The following CNIH3 variants were observed in gnomAD, a reference collection of about 807,000 sequenced individuals.
CNIH3 encodes cornichon family AMPA receptor auxiliary protein 3.
A neutral mutation model predicts 24.1 loss-of-function variants in CNIH3; 14 were observed. The observed-to-expected ratio is 0.58, with a 90% CI of 0.38 to 0.91. The LOEUF is 0.91. Ranked by LOEUF, CNIH3 falls within the 40% of genes least tolerant of loss-of-function variation. The pLI, the probability that CNIH3 is intolerant of heterozygous loss-of-function variation, is 0.00. For missense variants in CNIH3, 178 were observed against 196.8 expected, an observed-to-expected ratio of 0.90 and a Z score of 0.57; for synonymous variants, 68 against 73.8, an observed-to-expected ratio of 0.92 and a Z score of 0.40.
intron 2 of CNIH3, among the ~76,000 whole-genome samples, chr1:224,532,011 G>A (rs1187731080): frequency 6.6e-6 from 1 of 152,170 alleles, no homozygotes; most frequent in African/African-American, 2.4e-5. Context: ...TTCTAGTAAG[G>A]AAAGGTAGAC....
chr1:224,584,529 C>T lies in CNIH3; in HGVS notation n.620+1262C>T, dbSNP rs115571424. On this transcript the variant is annotated intron_variant and non_coding_transcript_variant, in intron 5 of 5. Transcript: ENST00000471578. ...CAGAGAAAAAGTGCTGATGTAAATC[C>T]TTCCTTTTTGGGAAGCTGATTCTTT... Among the ~76,000 whole-genome samples, 215 of 152,288 alleles carry T rather than the reference C, an allele frequency of 1.4e-3. 1 individual carries two copies. Among genetic ancestry groups the T allele is most frequent in the African/African-American group, 5.0e-3 (206 of 41,556 alleles).
At chr1:224,674,165 A>G (rs1686010494) in intron 1 of CNIH3, among the ~76,000 whole-genome samples, 1 of 151,818 alleles carries the variant, frequency 6.6e-6, no homozygotes, top group South Asian at 2.1e-4. Flanking sequence ...AGAAAGTCCC[A>G]GAGAAAACCA....
intron 1 of CNIH3, among the ~76,000 whole-genome samples, chr1:224,670,847 A>G (rs1004171388): frequency 7.9e-5 from 12 of 152,238 alleles, no homozygotes; most frequent in African/African-American, 2.2e-4. Flanking sequence ...TTGCATGTCA[A>G]TGTGACTTGG....
chr1:224,521,564 T>C (rs954774299), intron 2 of CNIH3: 9 of 152,220 alleles, frequency 5.9e-5, no homozygotes, highest in African/African-American at 2.2e-4. Context: ...TTCAGGACTT[T>C]GGTTGGAACT....
In CNIH3 at chr1:224,646,651, C is replaced by A. The variant is rs76853656; in HGVS notation, c.81+29396C>A. On this transcript the variant is annotated intron_variant, in intron 1 of 5. Coordinates refer to ENST00000272133, the MANE Select transcript of CNIH3 (RefSeq NM_152495.2). ...CAATTCCTGGACTCAAGCAACCCTC[C>A]TGCTTCGGCATCCTAAATTACTGGG... Among the ~76,000 whole-genome samples the A allele has an allele frequency of 2.2e-3, 340 of 152,262 alleles. 5 individuals are homozygous for A. In the East Asian group the frequency reaches 0.029, roughly 13 times the overall value.
chr1:224,460,194 T>C (rs1214087082), intron 1 of CNIH3, among the ~76,000 whole-genome samples: 4 of 152,172 alleles, frequency 2.6e-5, no homozygotes, highest in Non-Finnish European at 5.9e-5. Flanking sequence ...TCCTGGTTTA[T>C]CTTTCTTAAG....
At chr1:224,441,053 T>A (rs1019651490) in intron 1 of CNIH3, among the ~76,000 whole-genome samples, 11 of 152,130 alleles carry the variant, frequency 7.2e-5, no homozygotes, top group Non-Finnish European at 2.9e-5. Context: ...CCTGACCTCA[T>A]GATCCGCCCC....
chr1:224,508,198 A>C (rs6683232), intron 1 of CNIH3, among the ~76,000 whole-genome samples: 13,923 of 152,234 alleles, frequency 0.091, 1,935 homozygotes, highest in African/African-American at 0.3. Context: ...TCTTTTCCCC[A>C]CAAAGTTTTC....
At chr1:224,509,339 AAAG>A (rs1262205142) in intron 1 of CNIH3, among the ~76,000 whole-genome samples, 3 of 152,218 alleles carry the variant, frequency 2.0e-5, no homozygotes, top group Admixed American at 6.5e-5. Flanking sequence ...AGACGAAAGG[AAAG>A]AAGAAGGGAA....
intron 1 of CNIH3, among the ~76,000 whole-genome samples, chr1:224,637,238 C>T (rs1205567146): frequency 6.6e-6 from 1 of 152,156 alleles, no homozygotes; most frequent in Non-Finnish European, 1.5e-5. Context: ...CAGGCGTGAA[C>T]CACCACGCCC....
At chr1:224,498,978 A>G (rs527706697) in intron 1 of CNIH3, among the ~76,000 whole-genome samples, 41 of 152,290 alleles carry the variant, frequency 2.7e-4, no homozygotes, top group Non-Finnish European at 5.0e-4. Flanking sequence ...GCTTTAGCAC[A>G]CCAGTAGCTC....
intron 3 of CNIH3, among the ~76,000 whole-genome samples, chr1:224,552,321 C>T (rs1213641275): frequency 6.6e-6 from 1 of 151,324 alleles, no homozygotes; most frequent in East Asian, 1.9e-4. Context: ...AGAAATATAT[C>T]CTCTCCCTTA....
chr1:224,523,134 G>A (rs1678707196), intron 2 of CNIH3, among the ~76,000 whole-genome samples: 1 of 152,058 alleles, frequency 6.6e-6, no homozygotes, highest in African/African-American at 2.4e-5. Flanking sequence ...AGCTACTTGG[G>A]AGGCTGAGGC....
chr1:224,581,130 G>T (rs6659753), intron 4 of CNIH3, among the ~76,000 whole-genome samples: 59,810 of 151,888 alleles, frequency 0.39, 12,256 homozygotes, highest in East Asian at 0.59. Flanking sequence ...ATTTTTCCCT[G>T]TTGGCATAGT....
At chr1:224,568,287 TCAAACAAACAAG>T (rs147537721) in intron 4 of CNIH3, among the ~76,000 whole-genome samples, 34,314 of 151,734 alleles carry the variant, frequency 0.23, 4,134 homozygotes, top group East Asian at 0.31. Context: ...AGACTCTGTC[TCAAACAAACAAG>T]CAAACAAACA....
intron 1 of CNIH3, among the ~76,000 whole-genome samples, chr1:224,437,706 G>A (rs888448052): frequency 1.3e-5 from 2 of 152,186 alleles, no homozygotes; most frequent in African/African-American, 4.8e-5. Context: ...TCACTCAAAA[G>A]AGGGGTGATT....
At chr1:224,601,989 A>G (rs1392060335) in intron 3 of CNIH3, among the ~76,000 whole-genome samples, 1 of 152,216 alleles carries the variant, frequency 6.6e-6, no homozygotes, top group Non-Finnish European at 1.5e-5. Context: ...GCTTCCATGA[A>G]ATATTTCTTG....
At chr1:224,656,808 A>G (rs1360775453) in intron 1 of CNIH3, among the ~76,000 whole-genome samples, 1 of 152,214 alleles carries the variant, frequency 6.6e-6, no homozygotes, top group Non-Finnish European at 1.5e-5. Flanking sequence ...AAGCAAGCTC[A>G]GAGACAGTAG....
At chr1:224,434,920 G>A in intron 1 of CNIH3, 1 of 985,950 alleles carries the variant, frequency 1.0e-6, no homozygotes, top group Non-Finnish European at 1.2e-6. Context: ...TGTCCCGGGG[G>A]TCAGGGGAGG....
Sources: allele counts gnomAD v4.1 joint callset (sites outside exome capture counted in the v4.1 genomes callset), GRCh38; gene constraint gnomAD v4.1.1; transcripts MANE v1.5; gene names NCBI Gene and HGNC (gene_info 2026-07-23, HGNC 2026-07-21).